The following EPB41L1 variants were observed in gnomAD, a reference collection of about 807,000 sequenced individuals.
The protein encoded by EPB41L1 is erythrocyte membrane protein band 4.1 like 1.
EPB41L1 carries 29 observed loss-of-function variants against 97.8 expected under a neutral mutation model. That is an observed-to-expected ratio of 0.30 (90% confidence interval 0.22 to 0.40). EPB41L1 has a LOEUF of 0.40. Among genes scored for constraint, EPB41L1 ranks in the 10% least tolerant of loss-of-function variants. The pLI, the probability that EPB41L1 is intolerant of heterozygous loss-of-function variation, is 1.00. For missense variants in EPB41L1, 812 were observed against 1,162.3 expected, an observed-to-expected ratio of 0.70 and a Z score of 4.38; for synonymous variants, 383 against 459.2, an observed-to-expected ratio of 0.83 and a Z score of 2.12.
chr20:36,196,654 T>G (rs895918129), intron 13 of EPB41L1, among the ~76,000 whole-genome samples: 1 of 152,216 alleles, frequency 6.6e-6, no homozygotes, highest in East Asian at 1.9e-4. Flanking sequence ...CAGGGGAAGA[T>G]TCTAGCTTTG....
intron 2 of EPB41L1, among the ~76,000 whole-genome samples, chr20:36,145,678 C>G (rs1012267646): frequency 2.6e-5 from 4 of 152,248 alleles, no homozygotes; most frequent in Admixed American, 2.6e-4. Flanking sequence ...CATTGCTGTC[C>G]ACTAGAAATG....
At chr20:36,108,921 T>G (rs116057683) in intron 1 of EPB41L1, among the ~76,000 whole-genome samples, 1 of 151,634 alleles carries the variant, frequency 6.6e-6, no homozygotes, top group African/African-American at 2.4e-5. Flanking sequence ...GACAGCCCCA[T>G]AGCCTTGAGG....
In EPB41L1 at chr20:36,125,660, G is replaced by C. The variant is rs2058935124; in HGVS notation, c.-10+13180G>C. Reference sequence around the variant, plus strand: ...GTTGGGGACGGCAAGGAGGCAAGTGGAGTGGCAGGTGGGTCCAGCTCCTGC... The same window carrying C: ...GTTGGGGACGGCAAGGAGGCAAGTGCAGTGGCAGGTGGGTCCAGCTCCTGC... On this transcript the variant is annotated intron_variant, in intron 2 of 19. Coordinates refer to the EPB41L1 transcript ENST00000202028. 6 of 1,396,312 alleles carry C rather than the reference G, an allele frequency of 4.3e-6. No homozygotes were observed. The Admixed American group carries it at 1.4e-4, about 32-fold the overall frequency. 86.5% of individuals were successfully genotyped at this position (1,396,312 alleles called of 1,614,324 possible).
chr20:36,172,285 G>A (rs1454640592), intron 1 of EPB41L1, among the ~76,000 whole-genome samples: 3 of 152,098 alleles, frequency 2.0e-5, no homozygotes, highest in Admixed American at 2.0e-4. Flanking sequence ...CACCATGTTG[G>A]CCAGGCTAGT....
At chr20:36,208,387 T>C (rs73903002) in intron 14 of EPB41L1, 13,190 of 448,496 alleles carry the variant, frequency 0.029, 1,014 homozygotes, top group African/African-American at 0.2. Flanking sequence ...GCCTGAGATT[T>C]GCCAGCCCCT....
rs1422951773 is a variant in EPB41L1, at chr20:36,157,351, C to A, written c.-15+2455C>A. Among the ~76,000 whole-genome samples the A allele has an allele frequency of 2.0e-5, 3 of 152,210 alleles. No individual in the cohort carries two copies. The East Asian group carries it at 5.8e-4, about 29-fold the overall frequency. On this transcript the variant is annotated intron_variant, in intron 1 of 21. Transcript: ENST00000338074. ...ATGTACTGCAAGAAGTGCTTTGAGT[C>A]ATTTCACAGTAACCCTGTCAGATAG...
chr20:36,206,111 G>C lies in EPB41L1; in HGVS notation c.1669-3377G>C. 7.8e-7 allele frequency: 1 copy of C among 1,289,894 alleles called. No individual in the cohort carries two copies. The highest frequency in any genetic ancestry group is 1.0e-6 in the Non-Finnish European group (1 of 988,884). The allele number at this position is 1,289,894 out of a possible 1,614,324, so 79.9% of individuals were successfully genotyped here. ...AGTCCTGAAGACTTTGAGTCAGTGG[G>C]GGAGGAAGGCCCCTGGATCAGGGAA... On this transcript the variant is annotated intron_variant, in intron 14 of 21. Coordinates refer to ENST00000338074, the MANE Select transcript of EPB41L1 (RefSeq NM_012156.2). This position sits in a 1 kb window ranked among gnomAD's most constrained non-coding sequence, Gnocchi z 5.5.
rs1167431627 is a variant in EPB41L1 at position 36,188,631 on chromosome 20, CACACACACACAGAG to C, written c.1026+134_1026+147del. 557 of 639,522 alleles carry C rather than the reference CACACACACACAGAG, an allele frequency of 8.7e-4. 4 individuals carry two copies. The African/African-American group carries it at 9.9e-3, about 11-fold the overall frequency. 39.6% of individuals were successfully genotyped at this position (639,522 alleles called of 1,614,324 possible). On this transcript the variant is annotated intron_variant, in intron 9 of 21. Transcript: ENST00000338074. ...ACACACACACACACACACACACACA[CACACACACACAGAG>C]AGAGAGAGAGAGAGAGAGAGAGAGG...
intron 21 of EPB41L1, among the ~76,000 whole-genome samples, chr20:36,226,597 C>T (rs1218222560): frequency 1.3e-5 from 2 of 152,172 alleles, no homozygotes; most frequent in Non-Finnish European, 2.9e-5. Flanking sequence ...CGTCTGTCTC[C>T]TAGGGCTACC....
intron 1 of EPB41L1, among the ~76,000 whole-genome samples, chr20:36,103,225 G>A (rs1361844193): frequency 2.0e-5 from 3 of 152,200 alleles, no homozygotes; most frequent in African/African-American, 4.8e-5. Flanking sequence ...GTGAGCACTG[G>A]GATGCCTTAT....
intron 1 of EPB41L1, among the ~76,000 whole-genome samples, chr20:36,163,466 G>T (rs528342611): frequency 6.6e-6 from 1 of 152,294 alleles, no homozygotes; most frequent in South Asian, 2.1e-4. Context: ...CGGTTCCCTT[G>T]CCTTCCTTGA....
chr20:36,143,377 T>C (rs1007101116), intron 2 of EPB41L1, among the ~76,000 whole-genome samples: 1 of 150,006 alleles, frequency 6.7e-6, no homozygotes, highest in South Asian at 2.1e-4. Context: ...GCAGAGAGAG[T>C]GGAATGGAGA....
intron 1 of EPB41L1, among the ~76,000 whole-genome samples, chr20:36,170,881 C>T (rs1600719637): frequency 1.3e-5 from 2 of 152,274 alleles, no homozygotes; most frequent in South Asian, 2.1e-4. Flanking sequence ...GTTCTGGGAG[C>T]GCCAGGCATT....
chr20:36,209,160 G>C lies in EPB41L1; in HGVS notation c.1669-328G>C, dbSNP rs755889906. 2.0e-5 allele frequency among the ~76,000 whole-genome samples: 3 copies of C among 152,146 alleles called. No individual in the cohort carries two copies. Among genetic ancestry groups the C allele is most frequent in the Non-Finnish European group, 2.9e-5 (2 of 68,036 alleles). The stretch of plus-strand genomic sequence containing the variant: ...CCATCCCTGCCTTTCGTGCAATGCT[G>C]CTTCCAATAAGCTCCCAGATCCAAT... On this transcript the variant is annotated intron_variant, in intron 14 of 21. Transcript: ENST00000338074. This position sits in a 1 kb window ranked among gnomAD's most constrained non-coding sequence, Gnocchi z 4.2.
upstream of EPB41L1, chr20:36,152,902 A>G (rs1357609993): frequency 2.2e-6 from 1 of 452,638 alleles, no homozygotes; most frequent in Non-Finnish European, 4.4e-6. Flanking sequence ...GCTGCCAAGC[A>G]GGACACTCGT....
At chr20:36,094,882 G>T (rs544745141) in intron 1 of EPB41L1, among the ~76,000 whole-genome samples, 9 of 151,862 alleles carry the variant, frequency 5.9e-5, no homozygotes, top group Non-Finnish European at 1.2e-4. Flanking sequence ...GCTCACTGCA[G>T]CCTCCGCCTC....
chr20:36,211,391 A>G (rs2063123552), intron 15 of EPB41L1, among the ~76,000 whole-genome samples: 1 of 151,852 alleles, frequency 6.6e-6, no homozygotes, highest in Admixed American at 6.6e-5. Context: ...AAAAAACAAA[A>G]CAAAAACAAA....
rs1220648300 is a variant in EPB41L1 at position 36,206,001 on chromosome 20, GGA to G, written c.1669-3486_1669-3485del. 5.6e-5 allele frequency: 72 copies of G among 1,289,758 alleles called. No individual in the cohort carries two copies. Among genetic ancestry groups the G allele is most frequent in the Non-Finnish European group, 7.2e-5 (71 of 988,898 alleles). The allele number at this position is 1,289,758 out of a possible 1,614,324, so 79.9% of individuals were successfully genotyped here. On this transcript the variant is annotated intron_variant, in intron 14 of 21. Coordinates refer to ENST00000338074, the MANE Select transcript of EPB41L1 (RefSeq NM_012156.2). This position sits in a 1 kb window ranked among gnomAD's most constrained non-coding sequence, Gnocchi z 5.5. ...GACTCTCCAAGGTAGACGTTCTGGTGGACAAGTTCAAAGTGGAAGTGGCCACA... is the reference window on the plus strand; with the variant it reads ...GACTCTCCAAGGTAGACGTTCTGGTGCAAGTTCAAAGTGGAAGTGGCCACA...
chr20:36,206,742 G>T lies in EPB41L1; in HGVS notation c.1669-2746G>T. The T allele has an allele frequency of 1.6e-6, 2 of 1,289,904 alleles. No individual in the cohort carries two copies. The highest frequency in any genetic ancestry group is 2.0e-6 in the Non-Finnish European group (2 of 988,890). The allele number at this position is 1,289,904 out of a possible 1,614,324, so 79.9% of individuals were successfully genotyped here. On this transcript the variant is annotated intron_variant, in intron 14 of 21. Transcript: ENST00000338074. This position sits in a 1 kb window ranked among gnomAD's most constrained non-coding sequence, Gnocchi z 5.5. Reference sequence around the variant, plus strand: ...CAGGACAGACGTTTGCTGAAGGCTGGGAAGATGCCCAGTGGGGAGTGGAAG... The same window carrying T: ...CAGGACAGACGTTTGCTGAAGGCTGTGAAGATGCCCAGTGGGGAGTGGAAG...
Sources: allele counts gnomAD v4.1 joint callset (sites outside exome capture counted in the v4.1 genomes callset), GRCh38; gene constraint gnomAD v4.1.1; non-coding constraint Gnocchi (gnomAD v3.1); transcripts MANE v1.5; gene names NCBI Gene and HGNC (gene_info 2026-07-23, HGNC 2026-07-21).